The following SNX2 variants were observed in gnomAD, a reference collection of about 807,000 sequenced individuals.
SNX2 encodes sorting nexin-2.
SNX2 carries 25 observed loss-of-function variants against 69.9 expected under a neutral mutation model. That is an observed-to-expected ratio of 0.36 (90% CI 0.26 to 0.50). SNX2 has a LOEUF of 0.50. SNX2 is among the 20% of genes least tolerant of loss of function. SNX2 has a pLI of 0.97. For missense variants in SNX2, 551 were observed against 613.3 expected, an observed-to-expected ratio of 0.90 and a Z score of 1.07; for synonymous variants, 229 against 200.4, an observed-to-expected ratio of 1.14 and a Z score of -1.20.
intron 1 of SNX2, among the ~76,000 whole-genome samples, chr5:122,790,155 G>GT (rs1437030230): frequency 4.6e-5 from 7 of 152,106 alleles, no homozygotes; most frequent in African/African-American, 1.7e-4. Context: ...GTCTTACTCT[G>GT]TTGCCCAGGT....
Position 122,829,599 on chromosome 5 carries a change from T to A in SNX2, c.1511T>A (p.Leu504Gln). The A allele has an allele frequency of 6.2e-7, 1 of 1,610,874 alleles. No homozygotes were observed. Among genetic ancestry groups the A allele is most frequent in the Non-Finnish European group, 8.5e-7 (1 of 1,177,096 alleles). Residue 504 changes from leucine to glutamine, a missense_variant and splice_region_variant, in exon 15 of 15, where the codon CTG becomes CAG. Physicochemically the swap from Leu to Gln is moderately radical, Grantham distance 113. Coordinates refer to ENST00000379516, the MANE Select transcript of SNX2 (RefSeq NM_003100.4). ...TTATATTTTAATTATCATTCACAGC[T>A]GATAAAATACTGGGAAGCATTCCTA... Reference protein sequence around the residue: ...LESLVQTQQQLIKYWEAFLPE... With the variant: ...LESLVQTQQQQIKYWEAFLPE...
In SNX2 at chr5:122,801,097, G is replaced by A; in HGVS notation, c.391-772G>A. Among the ~76,000 whole-genome samples the A allele has an allele frequency of 1.3e-5, 2 of 152,096 alleles. 1 individual carries two copies. Among genetic ancestry groups the A allele is most frequent in the Admixed American group, 1.3e-4 (2 of 15,274 alleles). On this transcript the variant is annotated intron_variant, in intron 3 of 14. Transcript: ENST00000379516. ...GTTGCTTTTCAGTATAATCACTTCTGCTGGTAAGTAAGGTTCTACTGGTAA... is the reference window on the plus strand; with the variant it reads ...GTTGCTTTTCAGTATAATCACTTCTACTGGTAAGTAAGGTTCTACTGGTAA...
intron 1 of SNX2, among the ~76,000 whole-genome samples, chr5:122,788,546 CT>C (rs1290291667): frequency 7.2e-5 from 11 of 152,116 alleles, no homozygotes; most frequent in African/African-American, 2.7e-4. Flanking sequence ...ATTTTTTCAA[CT>C]TCTTTTCTCA....
At chr5:122,827,335 C>T in intron 12 of SNX2, 44 bp from the exon 13 acceptor site, 1 of 1,526,362 alleles carries the variant, frequency 6.6e-7, no homozygotes, top group South Asian at 1.1e-5. Context: ...CAGTACTATA[C>T]TTTTTTTTGA....
At chr5:122,816,883 T>G in intron 8 of SNX2, 32 bp from the exon 9 acceptor site, 2 of 1,380,950 alleles carry the variant, frequency 1.4e-6, no homozygotes, top group Non-Finnish European at 2.1e-6. Context: ...TTTTAACCGG[T>G]TTGTTTGCCC....
chr5:122,791,118 AATTTTTTT>A (rs757209733), intron 1 of SNX2, among the ~76,000 whole-genome samples: 31 of 89,152 alleles, frequency 3.5e-4, no homozygotes, highest in Non-Finnish European at 4.8e-4. Context: ...AGGCTATTTC[AATTTTTTT>A]TTTTTTTTTT....
rs1754339410 is a variant in SNX2, at chr5:122,833,448, C to T, written c.*3800C>T. 1 of 152,034 alleles carries T rather than the reference C, an allele frequency of 6.6e-6. No individual in the cohort carries two copies. The highest frequency in any genetic ancestry group is 2.4e-5 in the African/African-American group (1 of 41,388). 9.4% of individuals were successfully genotyped at this position (152,034 alleles called of 1,614,324 possible). A position where few individuals can be genotyped will look rare whatever the true frequency, so the allele number is the denominator to read the frequency against. ...AAAAACAATTTTAATAATCCAGTAGCTCCAAAATATTATTTTAATATGTAA... is the reference window on the plus strand; with the variant it reads ...AAAAACAATTTTAATAATCCAGTAGTTCCAAAATATTATTTTAATATGTAA... On this transcript the variant is annotated 3_prime_UTR_variant, in exon 15 of 15. Coordinates refer to ENST00000379516, the MANE Select transcript of SNX2 (RefSeq NM_003100.4).
intron 1 of SNX2, among the ~76,000 whole-genome samples, chr5:122,792,353 G>A (rs993665014): frequency 6.6e-6 from 1 of 152,172 alleles, no homozygotes; most frequent in Non-Finnish European, 1.5e-5. Context: ...CAACACTTTG[G>A]GAGGCTGAGG....
In SNX2 at chr5:122,775,127, T is replaced by C. The variant is rs1270276298; in HGVS notation, c.24T>C (p.Pro8=). ...AGATGGCGGCCGAGAGGGAACCTCC[T>C]CCGCTGGGGGACGGGAAGCCCACCG... The part of the protein sequence containing the change: MAAEREP[P]PLGDGKPTDF... The change falls in exon 1 of 15, where the codon CCT becomes CCC. Residue 8 remains proline, a synonymous_variant. Coordinates refer to ENST00000379516, the MANE Select transcript of SNX2 (RefSeq NM_003100.4). 1.9e-6 allele frequency: 3 copies of C among 1,593,352 alleles called. No individual in the cohort carries two copies. The highest frequency in any genetic ancestry group is 1.3e-5 in the African/African-American group (1 of 74,876).
chr5:122,775,601 T>G, intron 1 of SNX2: 1 of 990,236 alleles, frequency 1.0e-6, no homozygotes, highest in Non-Finnish European at 1.2e-6. Context: ...CGCTTTTCCT[T>G]TCCAGAGGGA....
intron 8 of SNX2, 72 bp downstream of exon 8, chr5:122,816,043 T>G: frequency 1.4e-6 from 1 of 707,444 alleles, no homozygotes; most frequent in Non-Finnish European, 2.3e-6. Context: ...TATGACTATA[T>G]ATAGTAAATA....
Position 122,802,063 on chromosome 5 carries a change from G to T in SNX2, c.458-18G>T, listed in dbSNP as rs774085738. The T allele has an allele frequency of 6.2e-7, 1 of 1,609,866 alleles. No homozygotes were observed. Among genetic ancestry groups the T allele is most frequent in the South Asian group, 1.1e-5 (1 of 91,016 alleles). The stretch of plus-strand genomic sequence containing the variant: ...TTATGCATGTGATTTTAATAGTAGT[G>T]TTTGACTTTTTTTGCAGGTGATGGC... On this transcript the variant is annotated intron_variant, in intron 4 of 14. Transcript: ENST00000379516.
In SNX2 at chr5:122,775,381, G is replaced by A. The variant is rs560371414; in HGVS notation, c.108+170G>A. 272 of 1,336,980 alleles carry A rather than the reference G, an allele frequency of 2.0e-4. 2 individuals are homozygous for A. The African/African-American group carries it at 3.3e-3, about 16-fold the overall frequency. The allele number at this position is 1,336,980 out of a possible 1,614,324, so 82.8% of individuals were successfully genotyped here. A position where few individuals can be genotyped will look rare whatever the true frequency, so the allele number is the denominator to read the frequency against. ...CCTGTCAGAGGGATGTGCTTGGGCT[G>A]AGCGCAGGGCCTCCTCAGGAGAGCA... On this transcript the variant is annotated intron_variant, in intron 1 of 14. Transcript: ENST00000379516.
At chr5:122,813,854 A>G (rs1288322549) in intron 7 of SNX2, among the ~76,000 whole-genome samples, 6 of 146,342 alleles carry the variant, frequency 4.1e-5, no homozygotes, top group African/African-American at 1.3e-4. Flanking sequence ...GCTCACTGCA[A>G]CCTCCGTCTC....
chr5:122,792,567 A>T (rs1370767166), intron 1 of SNX2, among the ~76,000 whole-genome samples: 1 of 151,170 alleles, frequency 6.6e-6, no homozygotes, highest in Non-Finnish European at 1.5e-5. Context: ...ATTGCACCCC[A>T]GCCTGGGCAA....
intron 12 of SNX2, 90 bp downstream of exon 12, chr5:122,826,283 C>CA: frequency 2.8e-6 from 3 of 1,065,990 alleles, no homozygotes. Context: ...GTAAACCATT[C>CA]AACACGTAGC....
intron 14 of SNX2, 48 bp downstream of exon 14, chr5:122,827,694 T>C: frequency 7.6e-7 from 1 of 1,309,512 alleles, no homozygotes; most frequent in Non-Finnish European, 1.1e-6. Context: ...TTGTTTTTGG[T>C]ATACTTTCTT....
In SNX2 at chr5:122,806,142, G is replaced by GCGCACGCGCGCACACACACACACACACA; in HGVS notation, c.644-2134_644-2133insGCACGCGCGCACACACACACACACACAC. 9.1e-3 allele frequency among the ~76,000 whole-genome samples: 1,184 copies of GCGCACGCGCGCACACACACACACACACA among 130,516 alleles called. 13 individuals carry two copies. Among genetic ancestry groups the GCGCACGCGCGCACACACACACACACACA allele is most frequent in the Non-Finnish European group, 0.012 (713 of 60,926 alleles). The allele number at this position is 130,516 out of a possible 152,430, so 85.6% of individuals were successfully genotyped here. A position where few individuals can be genotyped will look rare whatever the true frequency, so the allele number is the denominator to read the frequency against. Reference sequence around the variant, plus strand: ...TGTGTATATATATACACACGCGCGCGCACACACACACACACACACACACAC... The same window carrying GCGCACGCGCGCACACACACACACACACA: ...TGTGTATATATATACACACGCGCGCGCGCACGCGCGCACACACACACACACACACACACACACACACACACACACACAC... On this transcript the variant is annotated intron_variant, in intron 6 of 14. Coordinates refer to ENST00000379516, the MANE Select transcript of SNX2 (RefSeq NM_003100.4).
At chr5:122,829,452 A>G in intron 14 of SNX2, 146 bp from the exon 15 acceptor site, 1 of 583,378 alleles carries the variant, frequency 1.7e-6, no homozygotes, top group Non-Finnish European at 3.1e-6. Flanking sequence ...TGATCCACCC[A>G]TCTCAGCCTC....
Sources: allele counts gnomAD v4.1 joint callset (sites outside exome capture counted in the v4.1 genomes callset), GRCh38; gene constraint gnomAD v4.1.1; transcripts MANE v1.5; gene names NCBI Gene and HGNC (gene_info 2026-07-23, HGNC 2026-07-21).